Variants in YPEL1 observed in about 807,000 individuals in gnomAD.
YPEL1 encodes the protein yippee like 1, also known as protein yippee-like 1.
Under a neutral mutation model 17.3 loss-of-function variants are expected in YPEL1, and 7 were observed. The observed-to-expected ratio is 0.40, with a 90% confidence interval of 0.23 to 0.76. The LOEUF (loss-of-function observed/expected upper bound fraction) is 0.76. Ranked by LOEUF, YPEL1 falls within the 30% of genes least tolerant of loss-of-function variation. The pLI, the probability that YPEL1 is intolerant of heterozygous loss-of-function variation, is 0.35. For missense variants in YPEL1, 91 were observed against 155.5 expected, an observed-to-expected ratio of 0.59 and a Z score of 2.21; for synonymous variants, 59 against 59.6, an observed-to-expected ratio of 0.99 and a Z score of 0.05.
chr22:21,724,740 T>G (rs1407606035), intron 1 of YPEL1, among the ~76,000 whole-genome samples: 1 of 146,594 alleles, frequency 6.8e-6, no homozygotes, highest in South Asian at 2.2e-4. Context: ...GCCACCACAC[T>G]TGGTTCATTT....
In YPEL1 at chr22:21,710,640, C is replaced by G. The variant is rs749603415; in HGVS notation, c.105G>C (p.Glu35Asp). The change falls in exon 2 of 5, where the codon GAG (glutamate) becomes GAC (aspartate). Residue 35 changes from glutamate (E) to aspartate (D), a missense_variant. Glu to Asp is a conservative substitution (Grantham distance 45). Transcript: ENST00000339468. ...ATAAGCCACTTGCCTTGGAGATGAGCTCGTCATGATTGGCCAGGTGTGCTC... is the reference window on the plus strand; with the variant it reads ...ATAAGCCACTTGCCTTGGAGATGAGGTCGTCATGATTGGCCAGGTGTGCTC... ...HCRAHLANHD[E>D]LISKSFQGSQ... The G allele has an allele frequency of 2.5e-6, 4 of 1,614,216 alleles. No homozygotes were observed. In the African/African-American group the frequency reaches 4.0e-5, roughly 16 times the overall value.
At position 21,712,129 on chromosome 22, in the gene YPEL1, C is replaced by T. The variant is rs1157121565; in HGVS notation, c.-164-1221G>A. 3.9e-5 allele frequency among the ~76,000 whole-genome samples: 6 copies of T among 152,032 alleles called. No individual in the cohort carries two copies. In the East Asian group the frequency reaches 1.2e-3, roughly 29 times the overall value. ...AGTTGAGGCTCAAGTGAGCTGAGAT[C>T]GTCCAACTGCACTCCAGCCTGAGCA... On this transcript the variant is annotated intron_variant, in intron 1 of 4. Coordinates refer to ENST00000339468, the MANE Select transcript of YPEL1 (RefSeq NM_013313.5).
intron 2 of YPEL1, among the ~76,000 whole-genome samples, chr22:21,705,781 CATG>C (rs1272809519): frequency 6.6e-6 from 1 of 151,828 alleles, no homozygotes; most frequent in Non-Finnish European, 1.5e-5. Flanking sequence ...GTTCGAGAGC[CATG>C]ATTACACCAC....
intron 1 of YPEL1, among the ~76,000 whole-genome samples, chr22:21,712,522 C>T (rs115211290): frequency 0.015 from 2,249 of 151,710 alleles, 52 homozygotes; most frequent in African/African-American, 0.052. Flanking sequence ...GTCAGGAGAT[C>T]GAGACCACCC....
In YPEL1 at chr22:21,701,056, G is replaced by A; in HGVS notation, c.*73C>T. ...AGGGCAAGAAAGGCTGTCACCAGAT[G>A]CTCCTACGTTTCCATTACATTCACA... On this transcript the variant is annotated 3_prime_UTR_variant, in exon 5 of 5. Transcript: ENST00000339468. 7.3e-7 allele frequency: 1 copy of A among 1,371,570 alleles called. No individual in the cohort carries two copies. Among genetic ancestry groups the A allele is most frequent in the Non-Finnish European group, 1.0e-6 (1 of 965,274 alleles). The allele number at this position is 1,371,570 out of a possible 1,614,324, so 85.0% of individuals were successfully genotyped here.
In YPEL1 at chr22:21,703,906, A is replaced by T; in HGVS notation, c.118-24T>A. The T allele has an allele frequency of 6.3e-7, 1 of 1,580,034 alleles. No homozygotes were observed. Among genetic ancestry groups the T allele is most frequent in the South Asian group, 1.2e-5 (1 of 86,212 alleles). On this transcript the variant is annotated intron_variant, in intron 2 of 4. Coordinates refer to ENST00000339468, the MANE Select transcript of YPEL1 (RefSeq NM_013313.5). The surrounding 1 kb of genome is among the most constrained non-coding windows in gnomAD (Gnocchi z 6.1). ...GACTGAAAGAAGAAGGTCCCGTGAGATTGGCTGCGAGTGCTTTCTGGAACG... is the reference window on the plus strand; with the variant it reads ...GACTGAAAGAAGAAGGTCCCGTGAGTTTGGCTGCGAGTGCTTTCTGGAACG...
At chr22:21,704,070 G>A (rs188628093) in intron 2 of YPEL1, 188 bp from the exon 3 acceptor site, 1 of 731,534 alleles carries the variant, frequency 1.4e-6, no homozygotes. Context: ...GCTGCAAGCT[G>A]TTTTTCATTG....
chr22:21,720,055 G>A (rs113018527), intron 1 of YPEL1, among the ~76,000 whole-genome samples: 21,348 of 149,836 alleles, frequency 0.14, 1,848 homozygotes, highest in Non-Finnish European at 0.19. Flanking sequence ...GTGAGTGCCT[G>A]TAATCCCAGC....
At position 21,732,035 on chromosome 22, in the gene YPEL1, G is replaced by A. The variant is rs898991369; in HGVS notation, c.-165+3580C>T. ...GGTGCCAGAGGGCCTACTGAGCAATGGGGTGAATAACGGCTCCTAACCCCT... is the reference window on the plus strand; with the variant it reads ...GGTGCCAGAGGGCCTACTGAGCAATAGGGTGAATAACGGCTCCTAACCCCT... On this transcript the variant is annotated intron_variant, in intron 1 of 4. Transcript: ENST00000339468. Among the ~76,000 whole-genome samples the A allele has an allele frequency of 4.6e-5, 7 of 152,354 alleles. No homozygotes were observed. The South Asian group carries it at 1.0e-3, about 23-fold the overall frequency.
intron 1 of YPEL1, among the ~76,000 whole-genome samples, chr22:21,726,952 C>T (rs1255936519): frequency 1.3e-5 from 2 of 152,212 alleles, no homozygotes; most frequent in Non-Finnish European, 2.9e-5. Flanking sequence ...CTGAGGGCAC[C>T]GCTAATTACA....
In YPEL1 at chr22:21,701,232, A is replaced by G. The variant is rs776198776; in HGVS notation, c.271-14T>C. On this transcript the variant is annotated splice_polypyrimidine_tract_variant and intron_variant, in intron 4 of 4. Transcript: ENST00000339468. ...AAAGGCATGCTCCTTGAAAAAGAAG[A>G]GACAAAGGTTTCAGGACAGAAGGTT... is the stretch of plus-strand genomic sequence containing the variant. 1.9e-6 allele frequency: 3 copies of G among 1,606,430 alleles called. No individual in the cohort carries two copies. The African/African-American group carries it at 4.0e-5, about 21-fold the overall frequency.
chr22:21,698,423 C>T lies in YPEL1; in HGVS notation c.*2706G>A, dbSNP rs2068021700. On this transcript the variant is annotated 3_prime_UTR_variant, in exon 5 of 5. Coordinates refer to ENST00000339468, the MANE Select transcript of YPEL1 (RefSeq NM_013313.5). ...AATAGAACTTTAGTATATACAAAAA[C>T]CACTCGGTAGAGTTTTAGAAGTTTC... 1 of 152,322 alleles carries T rather than the reference C, an allele frequency of 6.6e-6. No homozygotes were observed. The highest frequency in any genetic ancestry group is 2.1e-4 in the South Asian group (1 of 4,828). The allele number at this position is 152,322 out of a possible 1,614,324, so 9.4% of individuals were successfully genotyped here.
intron 1 of YPEL1, among the ~76,000 whole-genome samples, chr22:21,718,097 C>G (rs2068244867): frequency 6.9e-6 from 1 of 145,116 alleles, no homozygotes; most frequent in Non-Finnish European, 1.5e-5. Flanking sequence ...TGCCACTGGA[C>G]TTAGCCTAGG....
chr22:21,698,237 TAA>T lies in YPEL1; in HGVS notation c.*2890_*2891del, dbSNP rs564202159. 73 of 103,474 alleles carry T rather than the reference TAA, an allele frequency of 7.1e-4. 1 individual carries two copies. The East Asian group carries it at 0.014, about 21-fold the overall frequency. The allele number at this position is 103,474 out of a possible 1,614,324, so 6.4% of individuals were successfully genotyped here. A position where few individuals can be genotyped will look rare whatever the true frequency, so the allele number is the denominator to read the frequency against. On this transcript the variant is annotated 3_prime_UTR_variant, in exon 5 of 5. Transcript: ENST00000339468. ...CAGAAGCCCAACAAAAAAAAAGTGATAAAAGTGTTGTTGGTATAAATTACAAA... is the reference window on the plus strand; with the variant it reads ...CAGAAGCCCAACAAAAAAAAAGTGATAAGTGTTGTTGGTATAAATTACAAA...
chr22:21,705,271 G>A (rs1031161501), intron 2 of YPEL1, among the ~76,000 whole-genome samples: 3 of 152,184 alleles, frequency 2.0e-5, no homozygotes, highest in African/African-American at 7.2e-5. Flanking sequence ...GAGCCACTGC[G>A]CCTGGCTTAC....
intron 1 of YPEL1, among the ~76,000 whole-genome samples, chr22:21,716,889 G>A (rs2068228872): frequency 6.6e-6 from 1 of 152,138 alleles, no homozygotes. Flanking sequence ...CTCACGGAGG[G>A]AACCGATGAG....
Position 21,703,321 on chromosome 22 carries a change from C to G in YPEL1, c.270+49G>C, listed in dbSNP as rs1284072191. The G allele has an allele frequency of 6.5e-7, 1 of 1,550,338 alleles. No homozygotes were observed. The highest frequency in any genetic ancestry group is 8.9e-7 in the Non-Finnish European group (1 of 1,125,620). ...ACGGGGAGGTGTGGCTCAGTGGCAA[C>G]TTAGTGCCACATCCCCTTGTGGCAC... is the stretch of plus-strand genomic sequence containing the variant. On this transcript the variant is annotated intron_variant, in intron 4 of 4. Coordinates refer to ENST00000339468, the MANE Select transcript of YPEL1 (RefSeq NM_013313.5). This position sits in a 1 kb window ranked among gnomAD's most constrained non-coding sequence, Gnocchi z 6.1.
chr22:21,718,154 A>AAC (rs2068246366), intron 1 of YPEL1, among the ~76,000 whole-genome samples: 3 of 150,024 alleles, frequency 2.0e-5, no homozygotes, highest in Admixed American at 1.3e-4. Context: ...CAAAAACAAA[A>AAC]CAACAACAAC....
chr22:21,702,346 C>A (rs778006234), intron 4 of YPEL1, among the ~76,000 whole-genome samples: 1 of 152,188 alleles, frequency 6.6e-6, no homozygotes, highest in Non-Finnish European at 1.5e-5. Flanking sequence ...GCTAGGGATG[C>A]GTGCTAGTCT....
Sources: allele counts gnomAD v4.1 joint callset (sites outside exome capture counted in the v4.1 genomes callset), GRCh38; gene constraint gnomAD v4.1.1; non-coding constraint Gnocchi (gnomAD v3.1); transcripts MANE v1.5; gene names NCBI Gene and HGNC (gene_info 2026-07-23, HGNC 2026-07-21).